PPP6R2: variants seen among roughly 807,000 people sequenced by gnomAD.
PPP6R2 encodes the protein protein phosphatase 6 regulatory subunit 2.
A neutral mutation model predicts 100.2 loss-of-function variants in PPP6R2; 62 were observed. The observed-to-expected ratio is 0.62, with a 90% CI of 0.50 to 0.76. The LOEUF is 0.76. Ranked by LOEUF, PPP6R2 falls within the 30% of genes least tolerant of loss-of-function variation. PPP6R2 has a pLI of 0.00. For missense variants in PPP6R2, 1,142 were observed against 1,276.3 expected (o/e 0.89, Z 1.60); for synonymous variants, 525 against 514.7 (o/e 1.02, Z -0.27).
At chr22:50,363,004 A>G (rs1184521719) in intron 1 of PPP6R2, among the ~76,000 whole-genome samples, 1 of 152,200 alleles carries the variant, frequency 6.6e-6, no homozygotes, top group Non-Finnish European at 1.5e-5. Context: ...CTCCTTAGCC[A>G]CTGGTGGCCT....
At chr22:50,404,388 C>T (rs922742374) in intron 3 of PPP6R2, among the ~76,000 whole-genome samples, 5 of 151,484 alleles carry the variant, frequency 3.3e-5, no homozygotes, top group African/African-American at 1.2e-4. Flanking sequence ...AGCCACTGCA[C>T]CCGGCATATA....
chr22:50,397,541 G>T (rs2057160781), intron 3 of PPP6R2, among the ~76,000 whole-genome samples: 1 of 115,188 alleles, frequency 8.7e-6, no homozygotes, highest in Admixed American at 8.4e-5. Context: ...TGGGATGCTG[G>T]GGGGCAGGGG....
chr22:50,337,116 G>A, the PPP6R2 span, among the ~76,000 whole-genome samples: 1 of 151,090 alleles, frequency 6.6e-6, no homozygotes, highest in Non-Finnish European at 1.5e-5. Flanking sequence ...GAGAGTGTGT[G>A]TGTGTGTGTG....
chr22:50,414,078 C>T (rs1486912485), intron 4 of PPP6R2, among the ~76,000 whole-genome samples: 3 of 152,196 alleles, frequency 2.0e-5, no homozygotes, highest in Admixed American at 6.5e-5. Flanking sequence ...GTCTTCTTTC[C>T]CCTTCAACCG....
At chr22:50,441,205 G>A (rs560895876) in intron 22 of PPP6R2, 179 bp downstream of exon 22, 299 of 605,060 alleles carry the variant, frequency 4.9e-4, no homozygotes, top group African/African-American at 4.9e-3. Context: ...TGGTGCCCAC[G>A]CGTTTACGTG....
At chr22:50,341,510 ATC>A (rs946479463), upstream of PPP6R2, among the ~76,000 whole-genome samples, 19 of 151,832 alleles carry the variant, frequency 1.3e-4, no homozygotes, top group African/African-American at 4.6e-4. Flanking sequence ...AGGCAATCGG[ATC>A]TGTTTTAACT....
intron 1 of PPP6R2, among the ~76,000 whole-genome samples, chr22:50,368,627 A>G (rs532419087): frequency 1.3e-5 from 2 of 152,300 alleles, no homozygotes; most frequent in Admixed American, 1.3e-4. Context: ...ATACTGGAAC[A>G]GCTCGTGCCC....
intron 9 of PPP6R2, 116 bp downstream of exon 9, chr22:50,422,496 T>G: frequency 1.4e-6 from 2 of 1,390,990 alleles, no homozygotes; most frequent in Non-Finnish European, 1.9e-6. Flanking sequence ...GTGAATGTGT[T>G]CTAAGACGGC....
At chr22:50,358,167 G>A (rs1315341445) in intron 1 of PPP6R2, among the ~76,000 whole-genome samples, 1 of 151,982 alleles carries the variant, frequency 6.6e-6, no homozygotes, top group African/African-American at 2.4e-5. Context: ...CGTAGCCCAG[G>A]GTGTTCTTTA....
intron 2 of PPP6R2, among the ~76,000 whole-genome samples, chr22:50,375,233 C>T (rs2051218008): frequency 6.6e-6 from 1 of 152,072 alleles, no homozygotes; most frequent in African/African-American, 2.4e-5. Context: ...TCTACTCCCC[C>T]ACCCTCCACC....
chr22:50,415,381 T>G (rs1402804312), intron 5 of PPP6R2, among the ~76,000 whole-genome samples: 1 of 152,172 alleles, frequency 6.6e-6, no homozygotes, highest in African/African-American at 2.4e-5. Flanking sequence ...AGGGAGGAGC[T>G]TCTCACCAGG....
chr22:50,378,939 C>T (rs2052278557), intron 2 of PPP6R2, among the ~76,000 whole-genome samples: 1 of 151,480 alleles, frequency 6.6e-6, no homozygotes, highest in Non-Finnish European at 1.5e-5. Flanking sequence ...GAGGGCTCCA[C>T]TCTCATGAAT....
chr22:50,419,044 C>T, intron 7 of PPP6R2, 65 bp downstream of exon 7: 1 of 1,312,824 alleles, frequency 7.6e-7, no homozygotes, highest in South Asian at 1.2e-5. Flanking sequence ...CGTCTGTGAG[C>T]CTTGCTCTGA....
upstream of PPP6R2, among the ~76,000 whole-genome samples, chr22:50,340,409 T>G (rs376686228): frequency 7.0e-4 from 86 of 123,278 alleles, 2 homozygotes; most frequent in East Asian, 0.016. Flanking sequence ...GTGGTGTGTG[T>G]GTAGGGTGTG....
intron 6 of PPP6R2, 44 bp downstream of exon 6, chr22:50,416,201 G>A: frequency 1.3e-6 from 2 of 1,535,066 alleles, no homozygotes; most frequent in Non-Finnish European, 9.0e-7. Flanking sequence ...GTCCAGGCCT[G>A]TGCTGCCAGG....
intron 3 of PPP6R2, among the ~76,000 whole-genome samples, chr22:50,395,059 C>T (rs1046716049): frequency 2.0e-5 from 3 of 151,904 alleles, no homozygotes; most frequent in Non-Finnish European, 4.4e-5. Flanking sequence ...GCTAGAGATG[C>T]AGGTGTTATT....
At position 50,397,724 on chromosome 22, in the gene PPP6R2, GC is replaced by G. The variant is rs1353353624; in HGVS notation, c.227+3590del. Among the ~76,000 whole-genome samples the G allele has an allele frequency of 2.4e-3, 10 of 4,150 alleles. 3 individuals are homozygous for G. The highest frequency in any genetic ancestry group is 2.8e-3 in the Non-Finnish European group (5 of 1,756). 2.7% of individuals were successfully genotyped at this position (4,150 alleles called of 152,430 possible). ...TCCTCACCAGCCTTGTCATCTCTGA[GC>G]TTTTCTCTGAGGAGAGTGTGACTTG... On this transcript the variant is annotated intron_variant, in intron 3 of 23. Coordinates refer to ENST00000612753, the MANE Select transcript of PPP6R2 (RefSeq NM_001242898.2).
intron 4 of PPP6R2, among the ~76,000 whole-genome samples, chr22:50,410,197 T>C (rs914754040): frequency 6.6e-6 from 1 of 152,174 alleles, no homozygotes; most frequent in African/African-American, 2.4e-5. Context: ...TGATGAGGTT[T>C]GCATTGGCTG....
intron 2 of PPP6R2, among the ~76,000 whole-genome samples, chr22:50,391,134 A>G (rs1018334724): frequency 1.3e-5 from 2 of 151,670 alleles, no homozygotes; most frequent in African/African-American, 4.8e-5. Flanking sequence ...CCCCATCTCT[A>G]TAAAAAATTT....
Sources: gnomAD v4.1 joint callset for allele counts (sites outside exome capture counted in the v4.1 genomes callset) on GRCh38, gnomAD v4.1.1 for gene constraint, MANE v1.5 for transcripts, NCBI Gene and HGNC (gene_info 2026-07-23, HGNC 2026-07-21) for gene names.